TASP1: variants seen among roughly 807,000 people sequenced by gnomAD.
TASP1 encodes taspase 1, also known as threonine aspartase 1.
Under a neutral mutation model 56.6 loss-of-function variants are expected in TASP1, and 16 were observed. The observed-to-expected ratio is 0.28, with a 90% confidence interval of 0.19 to 0.43. The LOEUF (loss-of-function observed/expected upper bound fraction) is 0.43. TASP1 is among the 20% of genes least tolerant of loss of function. TASP1 has a pLI of 1.00. For missense variants in TASP1, 393 were observed against 511.6 expected (o/e 0.77, Z 2.24); for synonymous variants, 179 against 184.2 (o/e 0.97, Z 0.23).
chr20:13,135,252 T>G, the TASP1 span, among the ~76,000 whole-genome samples: 77 of 152,228 alleles, frequency 5.1e-4, 1 homozygote, highest in Non-Finnish European at 1.8e-4. Flanking sequence ...TGGGCAACAC[T>G]GCTAGGTGTT....
chr20:13,573,199 A>G (rs1401208007), intron 6 of TASP1, among the ~76,000 whole-genome samples: 7 of 152,218 alleles, frequency 4.6e-5, no homozygotes, highest in African/African-American at 7.2e-5. Context: ...TAATTTTTTT[A>G]TTATTGAAAT....
At chr20:13,469,488 G>A (rs951900263) in intron 11 of TASP1, among the ~76,000 whole-genome samples, 1 of 152,116 alleles carries the variant, frequency 6.6e-6, no homozygotes, top group Non-Finnish European at 1.5e-5. Context: ...TTATTAGTCT[G>A]CTGCTGATCA....
the TASP1 span, among the ~76,000 whole-genome samples, chr20:13,116,035 A>G: frequency 2.6e-5 from 4 of 152,132 alleles, no homozygotes; most frequent in Non-Finnish European, 5.9e-5. Context: ...AGAAAAGACA[A>G]CTGTATTTGG....
intron 11 of TASP1, among the ~76,000 whole-genome samples, chr20:13,452,956 C>T (rs2043679223): frequency 6.6e-6 from 1 of 152,042 alleles, no homozygotes; most frequent in Non-Finnish European, 1.5e-5. Context: ...GCTGCGTGAC[C>T]AGGACATGTG....
At chr20:13,485,847 T>C (rs1458108864) in intron 10 of TASP1, among the ~76,000 whole-genome samples, 2 of 152,116 alleles carry the variant, frequency 1.3e-5, no homozygotes, top group Admixed American at 6.6e-5. Context: ...TGCTAGAAAA[T>C]TGGCATATTA....
the TASP1 span, among the ~76,000 whole-genome samples, chr20:13,367,082 A>G: frequency 6.6e-6 from 1 of 152,190 alleles, no homozygotes; most frequent in East Asian, 1.9e-4. Context: ...CTCATTTTAT[A>G]TAAATATTTA....
At chr20:13,153,743 C>T in the TASP1 span, among the ~76,000 whole-genome samples, 1 of 152,112 alleles carries the variant, frequency 6.6e-6, no homozygotes, top group Non-Finnish European at 1.5e-5. Flanking sequence ...TCCCACCAGC[C>T]CTCTAGCGTA....
At chr20:13,286,312 G>C in the TASP1 span, among the ~76,000 whole-genome samples, 1 of 151,800 alleles carries the variant, frequency 6.6e-6, no homozygotes, top group East Asian at 1.9e-4. Context: ...ACACCAGACT[G>C]CAAAGTTCTC....
At chr20:13,111,893 C>T in the TASP1 span, among the ~76,000 whole-genome samples, 4 of 152,200 alleles carry the variant, frequency 2.6e-5, no homozygotes, top group African/African-American at 4.8e-5. Context: ...ATATTCCCAT[C>T]AGCTACACAG....
intron 11 of TASP1, among the ~76,000 whole-genome samples, chr20:13,444,925 T>C (rs769114096): frequency 1.2e-4 from 18 of 152,182 alleles, no homozygotes; most frequent in Non-Finnish European, 1.8e-4. Flanking sequence ...AGCTTATGGG[T>C]ATCATCACTG....
At chr20:13,494,922 T>C (rs1233979357) in intron 10 of TASP1, among the ~76,000 whole-genome samples, 2 of 151,602 alleles carry the variant, frequency 1.3e-5, no homozygotes, top group South Asian at 2.1e-4. Context: ...TTATTTTGCC[T>C]CTAAGCCATG....
rs528984398 is a variant in TASP1 at position 13,486,580 on chromosome 20, A to G, written c.875-3243T>C. Reference sequence around the variant, plus strand: ...GGACTACATACCAGAGTAACCCAACAATTTATGAAGGAATATTTTCTCTAC... The same window carrying G: ...GGACTACATACCAGAGTAACCCAACGATTTATGAAGGAATATTTTCTCTAC... On this transcript the variant is annotated intron_variant, in intron 10 of 13. Transcript: ENST00000337743. 5.9e-5 allele frequency among the ~76,000 whole-genome samples: 9 copies of G among 152,302 alleles called. No individual in the cohort carries two copies. The East Asian group carries it at 1.5e-3, about 26-fold the overall frequency.
At chr20:13,434,162 A>T (rs1011999501) in intron 12 of TASP1, among the ~76,000 whole-genome samples, 1 of 152,024 alleles carries the variant, frequency 6.6e-6, no homozygotes, top group African/African-American at 2.4e-5. Context: ...TTTAATCTGC[A>T]TGCTGGTTAT....
At chr20:13,535,272 A>C (rs1160184272) in intron 8 of TASP1, among the ~76,000 whole-genome samples, 1 of 152,192 alleles carries the variant, frequency 6.6e-6, no homozygotes. Flanking sequence ...AACATTGAAG[A>C]GTTTCTAAAT....
chr20:13,572,401 C>G (rs1245179207), intron 6 of TASP1, among the ~76,000 whole-genome samples: 2 of 152,130 alleles, frequency 1.3e-5, no homozygotes, highest in Non-Finnish European at 2.9e-5. Flanking sequence ...TTAAAACTCT[C>G]AGCTGGACGC....
At chr20:13,618,904 G>A (rs1305528593) in intron 4 of TASP1, among the ~76,000 whole-genome samples, 11 of 149,556 alleles carry the variant, frequency 7.4e-5, no homozygotes, top group Admixed American at 4.0e-4. Context: ...GTCTCACTCC[G>A]TAGCCCAGGC....
chr20:13,635,387 C>CTTTTT (rs34767488), intron 1 of TASP1, among the ~76,000 whole-genome samples: 1 of 129,288 alleles, frequency 7.7e-6, no homozygotes, highest in African/African-American at 3.0e-5. Flanking sequence ...TCAGCAATTT[C>CTTTTT]TTTTTTTTTT....
At chr20:13,619,884 T>C (rs1197259034) in intron 4 of TASP1, among the ~76,000 whole-genome samples, 1 of 152,238 alleles carries the variant, frequency 6.6e-6, no homozygotes, top group Admixed American at 6.5e-5. Flanking sequence ...CATTAAAATA[T>C]GATCTATAAA....
the TASP1 span, chr20:13,167,124 C>T: frequency 2.6e-5 from 4 of 152,234 alleles, no homozygotes. Context: ...CCAAGCTCCA[C>T]AGGGCCAATA....
Sources: gnomAD v4.1 joint callset for allele counts (sites outside exome capture counted in the v4.1 genomes callset) on GRCh38, gnomAD v4.1.1 for gene constraint, MANE v1.5 for transcripts, NCBI Gene and HGNC (gene_info 2026-07-23, HGNC 2026-07-21) for gene names.